PRORP: variants seen among roughly 807,000 people sequenced by gnomAD.
PRORP encodes the protein protein only RNase P catalytic subunit, also known as mitochondrial ribonuclease P catalytic subunit.
PRORP carries 51 observed loss-of-function variants against 59.4 expected under a neutral mutation model. The ratio of observed to expected loss-of-function variants is 0.86; its 90% confidence interval spans 0.69 to 1.08. PRORP has a LOEUF of 1.08. PRORP is among the 50% of genes least tolerant of loss of function. The pLI, the probability that PRORP is intolerant of heterozygous loss-of-function variation, is 0.00. For missense variants in PRORP, 646 were observed against 690.3 expected (o/e 0.94, Z 0.72); for synonymous variants, 231 against 245.6 (o/e 0.94, Z 0.55).
intron 4 of PRORP, among the ~76,000 whole-genome samples, chr14:35,143,109 C>G (rs1452186779): frequency 6.9e-6 from 1 of 145,884 alleles, no homozygotes; most frequent in Non-Finnish European, 1.5e-5. Flanking sequence ...TCTCGGGACC[C>G]TTTTACATAT....
At chr14:35,135,101 C>T (rs1270139522) in intron 4 of PRORP, among the ~76,000 whole-genome samples, 2 of 152,208 alleles carry the variant, frequency 1.3e-5, no homozygotes, top group East Asian at 3.8e-4. Context: ...ACAATTGCTG[C>T]ACTCTCCCTC....
Position 35,277,596 on chromosome 14 carries a change from G to A in PRORP, c.*4030G>A, listed in dbSNP as rs1300364167. 1 of 152,122 alleles carries A rather than the reference G, an allele frequency of 6.6e-6. No homozygotes were observed. Among genetic ancestry groups the A allele is most frequent in the Non-Finnish European group, 1.5e-5 (1 of 68,014 alleles). The allele number at this position is 152,122 out of a possible 1,614,324, so 9.4% of individuals were successfully genotyped here. On this transcript the variant is annotated 3_prime_UTR_variant, in exon 8 of 8. Transcript: ENST00000534898. ...GAGACAGGAACACAGATGAATAAAT[G>A]TAATAAAATTTGAGAAATAATCTTT...
chr14:35,149,780 C>G (rs1022567193), intron 4 of PRORP, among the ~76,000 whole-genome samples: 3 of 152,186 alleles, frequency 2.0e-5, no homozygotes, highest in African/African-American at 4.8e-5. Context: ...TGATTTCTTT[C>G]GAGAACTTTG....
At chr14:35,160,524 T>G (rs2048030951) in intron 4 of PRORP, among the ~76,000 whole-genome samples, 3 of 152,214 alleles carry the variant, frequency 2.0e-5, no homozygotes, top group Admixed American at 2.0e-4. Context: ...ACTATTTTCT[T>G]TTTTTAAAAA....
chr14:35,255,799 C>T (rs1170457130), intron 5 of PRORP, among the ~76,000 whole-genome samples: 10 of 152,006 alleles, frequency 6.6e-5, no homozygotes, highest in Non-Finnish European at 1.3e-4. Context: ...AATCATATGC[C>T]TTAGACTATA....
intron 4 of PRORP, among the ~76,000 whole-genome samples, chr14:35,138,311 G>A (rs1346998420): frequency 6.9e-6 from 1 of 145,812 alleles, no homozygotes; most frequent in African/African-American, 2.4e-5. Context: ...ACTATGGGCT[G>A]AGACTTCAAC....
At chr14:35,142,343 CT>C (rs576082267) in intron 4 of PRORP, among the ~76,000 whole-genome samples, 2,084 of 116,704 alleles carry the variant, frequency 0.018, 70 homozygotes, top group African/African-American at 0.049. Context: ...AAATTCATTG[CT>C]TTTTTTTTTT....
chr14:35,215,719 T>C (rs1595322908), intron 5 of PRORP, among the ~76,000 whole-genome samples: 2 of 151,966 alleles, frequency 1.3e-5, no homozygotes, highest in East Asian at 3.9e-4. Context: ...TGAGCAATTA[T>C]TTCACCACTG....
upstream of PRORP, chr14:35,122,066 T>C: frequency 8.4e-7 from 1 of 1,189,162 alleles, no homozygotes; most frequent in Non-Finnish European, 1.2e-6. Context: ...AGGAAGGCCG[T>C]CCAACCACCA....
chr14:35,176,267 A>C (rs1033747912), intron 4 of PRORP, among the ~76,000 whole-genome samples: 1 of 152,102 alleles, frequency 6.6e-6, no homozygotes, highest in Non-Finnish European at 1.5e-5. Flanking sequence ...GTTTTTTCCA[A>C]TTCTGTGAAG....
At chr14:35,214,537 G>T (rs998540745) in intron 5 of PRORP, among the ~76,000 whole-genome samples, 1 of 152,198 alleles carries the variant, frequency 6.6e-6, no homozygotes, top group African/African-American at 2.4e-5. Flanking sequence ...TTCTTAAGCA[G>T]CAGGGCAAGA....
At chr14:35,184,170 AC>A (rs74649076) in intron 5 of PRORP, among the ~76,000 whole-genome samples, 61,154 of 151,600 alleles carry the variant, frequency 0.4, 12,791 homozygotes, top group East Asian at 0.69. Context: ...TGAGAAGATA[AC>A]TTTTTTACAT....
chr14:35,236,237 A>G lies in PRORP; in HGVS notation c.1276-30490A>G, dbSNP rs115924326. 7.8e-3 allele frequency among the ~76,000 whole-genome samples: 1,180 copies of G among 152,132 alleles called. 23 individuals are homozygous for G. The highest frequency in any genetic ancestry group is 0.027 in the African/African-American group (1,134 of 41,512). On this transcript the variant is annotated intron_variant, in intron 5 of 7. Transcript: ENST00000534898. ...TTCCTTGTTCTTTCCCGTGTAACAC[A>G]CTGTTCTTTATATTTTAACCTACTG...
chr14:35,146,371 A>G (rs2047610841), intron 4 of PRORP, among the ~76,000 whole-genome samples: 1 of 152,244 alleles, frequency 6.6e-6, no homozygotes, highest in Non-Finnish European at 1.5e-5. Context: ...CTCTAAATAC[A>G]AATTTAAGAC....
chr14:35,182,558 T>C (rs537110246), intron 5 of PRORP, among the ~76,000 whole-genome samples: 1 of 152,218 alleles, frequency 6.6e-6, no homozygotes, highest in African/African-American at 2.4e-5. Flanking sequence ...GTCAAGAGAA[T>C]TGCTTGAACC....
At chr14:35,167,302 C>A (rs1300054391) in intron 4 of PRORP, among the ~76,000 whole-genome samples, 1 of 152,100 alleles carries the variant, frequency 6.6e-6, no homozygotes, top group East Asian at 1.9e-4. Context: ...ACTGTTTTTT[C>A]TGTTTATTGC....
intron 5 of PRORP, among the ~76,000 whole-genome samples, chr14:35,259,315 C>G (rs1369553946): frequency 6.6e-6 from 1 of 152,110 alleles, no homozygotes; most frequent in African/African-American, 2.4e-5. Context: ...TTCCATCCCT[C>G]TACTTTCCAC....
Position 35,127,468 on chromosome 14 carries a change from T to G in PRORP, c.1035-11T>G. The G allele has an allele frequency of 1.2e-5, 18 of 1,528,650 alleles. No homozygotes were observed. Among genetic ancestry groups the G allele is most frequent in the Non-Finnish European group, 1.6e-5 (18 of 1,141,568 alleles). 94.7% of individuals were successfully genotyped at this position (1,528,650 alleles called of 1,614,324 possible). On this transcript the variant is annotated splice_polypyrimidine_tract_variant and intron_variant, in intron 3 of 7. Transcript: ENST00000534898. ...TATTTAAATATTATTATTTAACAAT[T>G]ATAATTACAGTGGCCAGTGTTCGGG...
intron 5 of PRORP, among the ~76,000 whole-genome samples, chr14:35,241,690 A>G (rs367759689): frequency 6.6e-6 from 1 of 152,106 alleles, no homozygotes; most frequent in Admixed American, 6.6e-5. Context: ...GCCTTATGCA[A>G]GAGTCCTGCC....
Sources: allele counts gnomAD v4.1 joint callset (sites outside exome capture counted in the v4.1 genomes callset), GRCh38; gene constraint gnomAD v4.1.1; transcripts MANE v1.5; gene names NCBI Gene and HGNC (gene_info 2026-07-23, HGNC 2026-07-21).